Variants in CCDC179 observed in about 807,000 individuals in gnomAD.
CCDC179 encodes the protein coiled-coil domain-containing protein 179.
CCDC179 carries 17 observed loss-of-function variants against 12.0 expected under a neutral mutation model. The observed-to-expected ratio is 1.42, with a 90% CI of 0.97 to 2.13. CCDC179 has a LOEUF of 2.13. Ranked by LOEUF, CCDC179 falls within the 30% of genes most tolerant of loss-of-function variation. CCDC179 has a pLI of 0.00. For missense variants in CCDC179, 83 were observed against 78.6 expected (o/e 1.06, Z -0.21); for synonymous variants, 27 against 26.4 (o/e 1.02, Z -0.07).
rs951305543 is a variant in CCDC179, at chr11:22,846,989, A to C, written c.*521T>G. On this transcript the variant is annotated 3_prime_UTR_variant, in exon 4 of 4. Transcript: ENST00000532798. The stretch of plus-strand genomic sequence containing the variant: ...AGTAAAATTTTAATTCAATATTCAA[A>C]TTTTACCTTAAATGGAAATTTTAAT... 3 of 152,096 alleles carry C rather than the reference A, an allele frequency of 2.0e-5. No individual in the cohort carries two copies. The highest frequency in any genetic ancestry group is 1.3e-4 in the Admixed American group (2 of 15,264). The allele number at this position is 152,096 out of a possible 1,614,324, so 9.4% of individuals were successfully genotyped here. A position where few individuals can be genotyped will look rare whatever the true frequency, so the allele number is the denominator to read the frequency against.
chr11:22,858,142 C>G, intron 2 of CCDC179, 116 bp from the exon 3 acceptor site: 1 of 571,666 alleles, frequency 1.7e-6, no homozygotes, highest in Non-Finnish European at 3.0e-6. Flanking sequence ...CCACTGCAAA[C>G]GGTTCACATA....
At chr11:22,853,619 AACAATT>A (rs1392175033) in intron 3 of CCDC179, among the ~76,000 whole-genome samples, 4 of 150,802 alleles carry the variant, frequency 2.7e-5, no homozygotes, top group African/African-American at 9.7e-5. Flanking sequence ...AGAACTGAGC[AACAATT>A]ACAAAAAGTA....
intron 2 of CCDC179, 62 bp downstream of exon 2, chr11:22,859,390 A>G: frequency 8.5e-7 from 1 of 1,174,828 alleles, no homozygotes; most frequent in Non-Finnish European, 1.2e-6. Flanking sequence ...CACTACATAA[A>G]GGAACAAGTT....
At chr11:22,852,514 C>A (rs1375264689) in intron 3 of CCDC179, among the ~76,000 whole-genome samples, 1 of 152,180 alleles carries the variant, frequency 6.6e-6, no homozygotes, top group Non-Finnish European at 1.5e-5. Context: ...TTTCACATAT[C>A]TTTTCAGGCT....
chr11:22,860,240 A>G (rs1858630812), intron 1 of CCDC179, 137 bp downstream of exon 1: 2 of 925,072 alleles, frequency 2.2e-6, no homozygotes, highest in Non-Finnish European at 3.2e-6. Context: ...TGTCTACATC[A>G]CCTGGAATTT....
chr11:22,855,172 T>A (rs1013478737), intron 3 of CCDC179, among the ~76,000 whole-genome samples: 1 of 151,768 alleles, frequency 6.6e-6, no homozygotes, highest in African/African-American at 2.4e-5. Context: ...TCTGTAAGAA[T>A]GTATTTGAAC....
intron 2 of CCDC179, among the ~76,000 whole-genome samples, chr11:22,858,543 C>G (rs910601285): frequency 6.6e-6 from 1 of 151,604 alleles, no homozygotes. Context: ...ATAACAATAA[C>G]TTTTTTATCC....
chr11:22,850,414 C>T (rs192761522), intron 3 of CCDC179, among the ~76,000 whole-genome samples: 155 of 152,290 alleles, frequency 1.0e-3, no homozygotes, highest in Admixed American at 9.5e-3. Flanking sequence ...CAGGTTGCTG[C>T]GAATGCCATT....
In CCDC179 at chr11:22,854,731, C is replaced by T. The variant is rs183972367; in HGVS notation, c.195+3191G>A. ...GTAACAGATAAGGCACATACTAATT[C>T]GACTATATCAATAATCACTTCAGAT... On this transcript the variant is annotated intron_variant, in intron 3 of 3. Coordinates refer to ENST00000532798, the MANE Select transcript of CCDC179 (RefSeq NM_001195637.2). Among the ~76,000 whole-genome samples, 538 of 151,770 alleles carry T rather than the reference C, an allele frequency of 3.5e-3. 4 individuals are homozygous for T. The highest frequency in any genetic ancestry group is 0.012 in the African/African-American group (515 of 41,516).
chr11:22,857,220 T>A (rs1858548530), intron 3 of CCDC179, among the ~76,000 whole-genome samples: 1 of 151,542 alleles, frequency 6.6e-6, no homozygotes, highest in South Asian at 2.1e-4. Context: ...AACACAACAT[T>A]GAGGGAAAAG....
chr11:22,859,604 A>G (rs1858614981), intron 1 of CCDC179, 108 bp from the exon 2 acceptor site: 2 of 547,866 alleles, frequency 3.7e-6, no homozygotes, highest in Admixed American at 4.0e-5. Context: ...TATGTATTAT[A>G]TGAATCATTT....
chr11:22,858,544 T>C (rs1858584698), intron 2 of CCDC179, among the ~76,000 whole-genome samples: 1 of 38,888 alleles, frequency 2.6e-5, no homozygotes, highest in African/African-American at 6.7e-5. Flanking sequence ...TAACAATAAC[T>C]TTTTTATCCA....
chr11:22,849,179 T>C lies in CCDC179; in HGVS notation c.196-1658A>G, dbSNP rs563170351. 3.0e-3 allele frequency among the ~76,000 whole-genome samples: 460 copies of C among 152,320 alleles called. 2 individuals are homozygous for C. The highest frequency in any genetic ancestry group is 0.011 in the African/African-American group (442 of 41,574). On this transcript the variant is annotated intron_variant, in intron 3 of 3. Coordinates refer to ENST00000532798, the MANE Select transcript of CCDC179 (RefSeq NM_001195637.2). ...TTTTCGAACTTTGAGCTCCTCAATGTGCTTTCTTGGAAGAAAGGTATACTT... is the reference window on the plus strand; with the variant it reads ...TTTTCGAACTTTGAGCTCCTCAATGCGCTTTCTTGGAAGAAAGGTATACTT...
rs1202196316 is a variant in CCDC179 at position 22,859,461 on chromosome 11, A to C, written c.81T>G (p.Thr27=). 6.7e-7 allele frequency: 1 copy of C among 1,499,944 alleles called. No homozygotes were observed. Among genetic ancestry groups the C allele is most frequent in the Admixed American group, 2.0e-5 (1 of 49,248 alleles). The allele number at this position is 1,499,944 out of a possible 1,614,324, so 92.9% of individuals were successfully genotyped here. Residue 27 remains threonine (T), a synonymous_variant, in exon 2 of 4, where the codon ACT becomes ACG. Coordinates refer to ENST00000532798, the MANE Select transcript of CCDC179 (RefSeq NM_001195637.2). ...TTTATTTAAACATTACCTGCCGCTC[A>C]GTGACCTCTGAAGGATGATGTTGTC... The part of the protein sequence containing the change: ...GPRQHHPSEV[T]ERQLANKRIQ...
intron 1 of CCDC179, among the ~76,000 whole-genome samples, chr11:22,859,708 G>A (rs538803692): frequency 1.3e-5 from 2 of 152,218 alleles, no homozygotes; most frequent in Non-Finnish European, 2.9e-5. Flanking sequence ...AGATGGAGAC[G>A]ATATTATGAT....
At chr11:22,857,385 A>G (rs550383094) in intron 3 of CCDC179, among the ~76,000 whole-genome samples, 2 of 151,860 alleles carry the variant, frequency 1.3e-5, no homozygotes, top group Non-Finnish European at 3.0e-5. Context: ...AATCTTTGAT[A>G]AGGAAGCAAA....
At chr11:22,855,468 G>T (rs1490700946) in intron 3 of CCDC179, among the ~76,000 whole-genome samples, 1 of 151,442 alleles carries the variant, frequency 6.6e-6, no homozygotes, top group Admixed American at 6.6e-5. Context: ...TCGATGAAGA[G>T]GTTTCAAAAG....
chr11:22,853,600 C>T (rs1858464408), intron 3 of CCDC179, among the ~76,000 whole-genome samples: 1 of 148,500 alleles, frequency 6.7e-6, no homozygotes, highest in Admixed American at 6.8e-5. Context: ...ATATAGAATA[C>T]ATTATTCAAG....
At chr11:22,856,504 T>A (rs1015669712) in intron 3 of CCDC179, among the ~76,000 whole-genome samples, 1 of 151,488 alleles carries the variant, frequency 6.6e-6, no homozygotes, top group Non-Finnish European at 1.5e-5. Context: ...TAGAGAGGGA[T>A]GTCTTTCACT....
Sources: allele counts gnomAD v4.1 joint callset (sites outside exome capture counted in the v4.1 genomes callset), GRCh38; gene constraint gnomAD v4.1.1; transcripts MANE v1.5; gene names NCBI Gene and HGNC (gene_info 2026-07-23, HGNC 2026-07-21).